Variants in RBM42 observed in about 807,000 individuals in gnomAD.
RBM42 encodes the protein RNA-binding protein 42.
In RBM42, 21 loss-of-function variants were observed where a neutral mutation model predicts 41.4. That is an observed-to-expected ratio of 0.51 (90% CI 0.36 to 0.73). The LOEUF (loss-of-function observed/expected upper bound fraction) is 0.73. Ranked by LOEUF, RBM42 falls within the 30% of genes least tolerant of loss-of-function variation. The probability of loss-of-function intolerance (pLI) is 0.00; values close to 1 mark genes in which losing one functional copy is unlikely to be tolerated. For synonymous variants in RBM42, 272 were observed against 271.2 expected (o/e 1.00, Z -0.03); for missense variants, 539 against 680.4 (o/e 0.79, Z 2.31).
intron 8 of RBM42, among the ~76,000 whole-genome samples, chr19:35,636,879 T>A (rs931813235): frequency 6.6e-6 from 1 of 151,964 alleles, no homozygotes; most frequent in African/African-American, 2.4e-5. Context: ...ATGCCTGAGC[T>A]CTTGTCTTAG....
At chr19:35,636,549 G>A (rs1257737352) in intron 8 of RBM42, among the ~76,000 whole-genome samples, 1 of 152,196 alleles carries the variant, frequency 6.6e-6, no homozygotes, top group Non-Finnish European at 1.5e-5. Context: ...GGAAGCACAG[G>A]CCCAACTCAG....
In RBM42 at chr19:35,637,589, G is replaced by A. The variant is rs1316508882; in HGVS notation, c.*35G>A. The A allele has an allele frequency of 6.5e-7, 1 of 1,538,180 alleles. No homozygotes were observed. Among genetic ancestry groups the A allele is most frequent in the Non-Finnish European group, 9.0e-7 (1 of 1,116,298 alleles). ...CCAGGCACCCGCTCCCACCTGGCCG[G>A]GCGCTGGCTCCTCCCTCAGTTCTCT... On this transcript the variant is annotated 3_prime_UTR_variant, in exon 10 of 10. Transcript: ENST00000262633. This position sits in a 1 kb window ranked among gnomAD's most constrained non-coding sequence, Gnocchi z 7.0.
rs1967362914 is a variant in RBM42, at chr19:35,629,294, A to G, written c.128+13A>G. 1 of 1,514,990 alleles carries G rather than the reference A, an allele frequency of 6.6e-7. No individual in the cohort carries two copies. 93.8% of individuals were successfully genotyped at this position (1,514,990 alleles called of 1,614,324 possible). A position where few individuals can be genotyped will look rare whatever the true frequency, so the allele number is the denominator to read the frequency against. ...CGGAGATGGCCCTGTAAGGCCCGCG[A>G]CAGAGAGTGATAAAAGTCGTCCCAG... On this transcript the variant is annotated intron_variant, in intron 1 of 9. Coordinates refer to ENST00000262633, the MANE Select transcript of RBM42 (RefSeq NM_024321.5).
At chr19:35,631,876 G>A (rs979315100) in intron 4 of RBM42, 1 of 163,752 alleles carries the variant, frequency 6.1e-6, no homozygotes, top group Non-Finnish European at 1.3e-5. Context: ...CCAGCAGCCC[G>A]AACATTTCTG....
In RBM42 at chr19:35,637,295, G is replaced by A. The variant is rs374511791; in HGVS notation, c.1273G>A (p.Gly425Ser). The change falls in exon 9 of 10, where the codon GGC (glycine) becomes AGC (serine). Residue 425 changes from glycine (G) to serine (S), a missense_variant. Around this residue, in one of 2 missense-constraint regions of RBM42, gnomAD observed 110 missense variants for 191.5 expected, o/e 0.57. Coordinates refer to ENST00000262633, the MANE Select transcript of RBM42 (RefSeq NM_024321.5). The surrounding 1 kb of genome is among the most constrained non-coding windows in gnomAD (Gnocchi z 7.0). The stretch of plus-strand genomic sequence containing the variant: ...GCGCACAGGCAAGACCAAGGGCTAC[G>A]GCTTCGTCAGCTTCAAGGACCCCAG... ...DKRTGKTKGY[G>S]FVSFKDPSDY... 1 of 1,614,104 alleles carries A rather than the reference G, an allele frequency of 6.2e-7. No individual in the cohort carries two copies. Among genetic ancestry groups the A allele is most frequent in the Non-Finnish European group, 8.5e-7 (1 of 1,180,048 alleles).
At position 35,631,412 on chromosome 19, in the gene RBM42, C is replaced by G; in HGVS notation, c.442+7C>G. Reference sequence around the variant, plus strand: ...ATGTTCCTGCGGCGGGCAGGTGAGTCTGGGGCCAGGGACCCCCACATTTAA... The same window carrying G: ...ATGTTCCTGCGGCGGGCAGGTGAGTGTGGGGCCAGGGACCCCCACATTTAA... On this transcript the variant is annotated splice_region_variant and intron_variant, in intron 4 of 9. Coordinates refer to ENST00000262633, the MANE Select transcript of RBM42 (RefSeq NM_024321.5). 1 of 1,613,794 alleles carries G rather than the reference C, an allele frequency of 6.2e-7. No homozygotes were observed. Among genetic ancestry groups the G allele is most frequent in the Non-Finnish European group, 8.5e-7 (1 of 1,179,730 alleles).
chr19:35,630,586 T>C (rs1967388331), intron 2 of RBM42, among the ~76,000 whole-genome samples: 1 of 152,104 alleles, frequency 6.6e-6, no homozygotes, highest in African/African-American at 2.4e-5. Context: ...GCCAACATGG[T>C]GCAACCCCGT....
intron 2 of RBM42, among the ~76,000 whole-genome samples, chr19:35,630,510 G>A (rs140161168): frequency 9.9e-5 from 15 of 152,268 alleles, no homozygotes; most frequent in African/African-American, 3.6e-4. Context: ...GCTCACGCCT[G>A]TAATCCCAGC....
chr19:35,636,616 C>G (rs1967502415), intron 8 of RBM42, among the ~76,000 whole-genome samples: 1 of 152,170 alleles, frequency 6.6e-6, no homozygotes, highest in African/African-American at 2.4e-5. Context: ...GGCAGCATGT[C>G]CAGGTCTCAA....
rs1967399372 is a variant in RBM42, at chr19:35,631,240, C to T, written c.367+16C>T. The T allele has an allele frequency of 6.2e-7, 1 of 1,613,206 alleles. No individual in the cohort carries two copies. Among genetic ancestry groups the T allele is most frequent in the African/African-American group, 1.3e-5 (1 of 74,860 alleles). ...GTAGGCCCTGGTAAGTAAAGAGTAGCAAGGTGAGGGGGTTGGGCAATCAGG... is the reference window on the plus strand; with the variant it reads ...GTAGGCCCTGGTAAGTAAAGAGTAGTAAGGTGAGGGGGTTGGGCAATCAGG... On this transcript the variant is annotated intron_variant, in intron 3 of 9. Transcript: ENST00000262633.
chr19:35,636,280 T>G (rs1243937233), intron 8 of RBM42, among the ~76,000 whole-genome samples: 1 of 151,814 alleles, frequency 6.6e-6, no homozygotes, highest in African/African-American at 2.4e-5. Context: ...CACCTCAGCC[T>G]TCCGAGTAGC....
intron 6 of RBM42, 23 bp downstream of exon 6, chr19:35,633,275 CG>C: frequency 6.5e-7 from 1 of 1,528,774 alleles, no homozygotes; most frequent in South Asian, 1.3e-5. Context: ...AGGGAACTAA[CG>C]GTCAGATGTG....
In RBM42 at chr19:35,634,347, A is replaced by T; in HGVS notation, c.1109A>T (p.Asp370Val). The T allele has an allele frequency of 6.2e-7, 1 of 1,613,654 alleles. No individual in the cohort carries two copies. Reference sequence around the variant, plus strand: ...ACAGCGGCAGGGAGCAGCTGGGAGGACCCCAGCCTGCTGGAGTGGGATGCA... The same window carrying T: ...ACAGCGGCAGGGAGCAGCTGGGAGGTCCCCAGCCTGCTGGAGTGGGATGCA... ...IRTAAGSSWE[D>V]PSLLEWDADD... The change falls in exon 8 of 10, where the codon GAC becomes GTC. Residue 370 changes from aspartate (D) to valine (V), a missense_variant. By Grantham distance (152) the Asp-to-Val change is radical. This residue lies in a region of RBM42 where 110 missense variants were observed against 191.5 expected (regional missense o/e 0.57). Coordinates refer to ENST00000262633, the MANE Select transcript of RBM42 (RefSeq NM_024321.5).
rs78375138 is a variant in RBM42 at position 35,632,966 on chromosome 19, G to A, written c.473G>A (p.Arg158His). The change falls in exon 5 of 10, where the codon CGT (arginine) becomes CAT (histidine). Residue 158 changes from arginine to histidine, a missense_variant. By Grantham distance (29) the Arg-to-His change is conservative (BLOSUM62 0). Transcript: ENST00000262633. ...GCCCCCCAGAGGGCCCCTATCCTGCGTCCAGCCTTCGTCCCCCACGTGCTA... is the reference window on the plus strand; with the variant it reads ...GCCCCCCAGAGGGCCCCTATCCTGCATCCAGCCTTCGTCCCCCACGTGCTA... ...AVAPQRAPIL[R>H]PAFVPHVLQR... 114 of 1,606,252 alleles carry A rather than the reference G, an allele frequency of 7.1e-5. No homozygotes were observed. The highest frequency in any genetic ancestry group is 5.2e-4 in the African/African-American group (39 of 74,468).
chr19:35,637,645 C>G lies in RBM42; in HGVS notation c.*91C>G, dbSNP rs1967523392. 6.2e-6 allele frequency: 6 copies of G among 971,914 alleles called. No homozygotes were observed. In the South Asian group the frequency reaches 8.9e-5, roughly 14 times the overall value. 60.2% of individuals were successfully genotyped at this position (971,914 alleles called of 1,614,324 possible). ...AAACCCCCAGCTGTCCACCCATCCC[C>G]TGCCCCAAAACCAGTTTCAATAAAT... On this transcript the variant is annotated 3_prime_UTR_variant, in exon 10 of 10. Coordinates refer to ENST00000262633, the MANE Select transcript of RBM42 (RefSeq NM_024321.5). The surrounding 1 kb of genome is among the most constrained non-coding windows in gnomAD (Gnocchi z 7.0).
intron 2 of RBM42, among the ~76,000 whole-genome samples, chr19:35,630,896 C>T (rs1167864263): frequency 6.6e-6 from 1 of 152,166 alleles, no homozygotes. Flanking sequence ...ACAGGTTGGA[C>T]ACAGTTTCAG....
Position 35,629,137 on chromosome 19 carries a change from C to T in RBM42, c.-17C>T. The T allele has an allele frequency of 6.6e-7, 1 of 1,521,228 alleles. No individual in the cohort carries two copies. Among genetic ancestry groups the T allele is most frequent in the Non-Finnish European group, 8.8e-7 (1 of 1,138,060 alleles). The allele number at this position is 1,521,228 out of a possible 1,614,324, so 94.2% of individuals were successfully genotyped here. ...TAAGCAGAGACTGTAGTAGCGGCGA[C>T]AGCGACGACGGCAGCGATGGCTGGG... On this transcript the variant is annotated 5_prime_UTR_variant, in exon 1 of 10. Coordinates refer to ENST00000262633, the MANE Select transcript of RBM42 (RefSeq NM_024321.5).
chr19:35,632,473 A>G lies in RBM42; in HGVS notation c.443-463A>G, dbSNP rs150130267. On this transcript the variant is annotated intron_variant, in intron 4 of 9. Coordinates refer to ENST00000262633, the MANE Select transcript of RBM42 (RefSeq NM_024321.5). ...CTTCCTGCCAATAATATTCCCACTC[A>G]CCCCTTGCCTAACACTTCATTGCCC... Among the ~76,000 whole-genome samples, 499 of 152,098 alleles carry G rather than the reference A, an allele frequency of 3.3e-3. 5 individuals are homozygous for G. The highest frequency in any genetic ancestry group is 0.017 in the South Asian group (80 of 4,818).
Position 35,633,624 on chromosome 19 carries a change from G to A in RBM42, c.685-63G>A. 2.9e-6 allele frequency: 4 copies of A among 1,366,238 alleles called. 1 individual carries two copies. The highest frequency in any genetic ancestry group is 9.5e-7 in the Non-Finnish European group (1 of 1,056,248). The allele number at this position is 1,366,238 out of a possible 1,614,324, so 84.6% of individuals were successfully genotyped here. On this transcript the variant is annotated intron_variant, in intron 6 of 9. Transcript: ENST00000262633. Reference sequence around the variant, plus strand: ...AGGCCCTTTCTTTGTTGGATGGAATGGAGATGACAGTAAAGTCTGAGCCTG... The same window carrying A: ...AGGCCCTTTCTTTGTTGGATGGAATAGAGATGACAGTAAAGTCTGAGCCTG...
Sources: allele counts gnomAD v4.1 joint callset (sites outside exome capture counted in the v4.1 genomes callset), GRCh38; gene constraint gnomAD v4.1.1; regional missense constraint gnomAD v4.1.1; non-coding constraint Gnocchi (gnomAD v3.1); transcripts MANE v1.5; gene names NCBI Gene and HGNC (gene_info 2026-07-23, HGNC 2026-07-21).